ST3GAL1: variants seen among roughly 807,000 people sequenced by gnomAD.
ST3GAL1 encodes ST3 beta-galactoside alpha-2,3-sialyltransferase 1.
ST3GAL1 carries 16 observed loss-of-function variants against 34.1 expected under a neutral mutation model. The observed-to-expected ratio is 0.47, with a 90% confidence interval of 0.32 to 0.71. The LOEUF (loss-of-function observed/expected upper bound fraction) is 0.71. Among genes scored for constraint, ST3GAL1 ranks in the 30% least tolerant of loss-of-function variants. The pLI is 0.04. For synonymous variants in ST3GAL1, 191 were observed against 184.7 expected (o/e 1.03, Z -0.28); for missense variants, 353 against 447.4 (o/e 0.79, Z 1.90).
intron 1 of ST3GAL1, among the ~76,000 whole-genome samples, chr8:133,567,743 G>T (rs982444042): frequency 3.9e-5 from 6 of 152,290 alleles, no homozygotes; most frequent in African/African-American, 1.4e-4. Flanking sequence ...GAGGGGAGAT[G>T]CCCTTGGCAT....
intron 2 of ST3GAL1, among the ~76,000 whole-genome samples, chr8:133,539,190 CCAG>C (rs1818392680): frequency 6.6e-6 from 1 of 152,174 alleles, no homozygotes; most frequent in Non-Finnish European, 1.5e-5. Context: ...TTCGAAAATC[CCAG>C]CAGAACCAAG....
chr8:133,476,750 C>T (rs1334876892), intron 3 of ST3GAL1, 150 bp from the exon 4 acceptor site: 1 of 152,218 alleles, frequency 6.6e-6, no homozygotes, highest in Non-Finnish European at 1.5e-5. Flanking sequence ...GTTTATCTAC[C>T]TTTGTGAGCC....
intron 2 of ST3GAL1, among the ~76,000 whole-genome samples, chr8:133,502,011 T>C (rs996051662): frequency 6.6e-6 from 1 of 152,168 alleles, no homozygotes; most frequent in Admixed American, 6.5e-5. Flanking sequence ...TTCTGTCAAC[T>C]GCCTCAGGAT....
chr8:133,471,947 C>T lies in ST3GAL1; in HGVS notation c.306+3772G>A, dbSNP rs143042406. Among the ~76,000 whole-genome samples the T allele has an allele frequency of 6.5e-4, 99 of 152,006 alleles. 1 individual carries two copies. In the East Asian group the frequency reaches 0.014, roughly 22 times the overall value. ...AGAATGTCCCCTGCGTATCACAAAACGGTTTCCCAAGTTGGGGGCAAGTAG... is the reference window on the plus strand; with the variant it reads ...AGAATGTCCCCTGCGTATCACAAAATGGTTTCCCAAGTTGGGGGCAAGTAG... On this transcript the variant is annotated intron_variant, in intron 5 of 9. Transcript: ENST00000522652.
Position 133,562,825 on chromosome 8 carries a change from CCTTCCTTCCTTCCTTCCTTT to C in ST3GAL1, c.-582+8848_-582+8867del, listed in dbSNP as rs60776640. Among the ~76,000 whole-genome samples the C allele has an allele frequency of 2.6e-3, 285 of 107,636 alleles. 1 individual carries two copies. The highest frequency in any genetic ancestry group is 0.011 in the African/African-American group (269 of 24,184). 70.6% of individuals were successfully genotyped at this position (107,636 alleles called of 152,430 possible). A position where few individuals can be genotyped will look rare whatever the true frequency, so the allele number is the denominator to read the frequency against. On this transcript the variant is annotated intron_variant, in intron 1 of 9. Coordinates refer to ENST00000522652, the MANE Select transcript of ST3GAL1 (RefSeq NM_173344.3). Reference sequence around the variant, plus strand: ...TCCTTCCTTCCTTCCTTCCTTCCTTCCTTCCTTCCTTCCTTCCTTTCTTTCTTTTTTTTTTTTTTTTTCCC... The same window carrying C: ...TCCTTCCTTCCTTCCTTCCTTCCTTCCTTTCTTTTTTTTTTTTTTTTTCCC...
At chr8:133,465,227 A>G (rs1815690651) in intron 6 of ST3GAL1, among the ~76,000 whole-genome samples, 1 of 152,112 alleles carries the variant, frequency 6.6e-6, no homozygotes, top group Non-Finnish European at 1.5e-5. Flanking sequence ...GGATATTTCC[A>G]CAGCCCTTTT....
Position 133,455,437 on chromosome 8 carries a change from C to A in ST3GAL1, c.*4327G>T, listed in dbSNP as rs886143886. ...GAGATGCTGTCTTGCCTGTCTCTGC[C>A]TTTTCTTCTAAGTTTTCCTCCTTTT... is the stretch of plus-strand genomic sequence containing the variant. On this transcript the variant is annotated 3_prime_UTR_variant, in exon 10 of 10. Transcript: ENST00000522652. 6.6e-6 allele frequency: 1 copy of A among 152,266 alleles called. No individual in the cohort carries two copies. Among genetic ancestry groups the A allele is most frequent in the African/African-American group, 2.4e-5 (1 of 41,446 alleles). The allele number at this position is 152,266 out of a possible 1,614,324, so 9.4% of individuals were successfully genotyped here. A position where few individuals can be genotyped will look rare whatever the true frequency, so the allele number is the denominator to read the frequency against.
At chr8:133,541,114 T>G (rs534775942) in intron 2 of ST3GAL1, among the ~76,000 whole-genome samples, 5,405 of 43,854 alleles carry the variant, frequency 0.12, 754 homozygotes, top group South Asian at 0.18. Context: ...TATATATATA[T>G]ATATATAGAG....
At chr8:133,537,844 G>A (rs1818350970) in intron 2 of ST3GAL1, among the ~76,000 whole-genome samples, 1 of 152,186 alleles carries the variant, frequency 6.6e-6, no homozygotes, top group Non-Finnish European at 1.5e-5. Flanking sequence ...ACCCAGGGAG[G>A]GCACTTCCTG....
intron 2 of ST3GAL1, among the ~76,000 whole-genome samples, chr8:133,521,564 T>C (rs1012929610): frequency 1.3e-5 from 2 of 152,218 alleles, no homozygotes; most frequent in Admixed American, 6.5e-5. Context: ...CCCAAAGTGC[T>C]GGAATTACAG....
At chr8:133,496,112 G>A (rs1346154936) in intron 3 of ST3GAL1, among the ~76,000 whole-genome samples, 4 of 152,212 alleles carry the variant, frequency 2.6e-5, no homozygotes, top group South Asian at 2.1e-4. Context: ...GCTGGGCTCC[G>A]AGTCACACAG....
rs550647219 is a variant in ST3GAL1, at chr8:133,556,314, G to C, written c.-581-10388C>G. 9.8e-5 allele frequency among the ~76,000 whole-genome samples: 15 copies of C among 152,290 alleles called. No homozygotes were observed. The highest frequency in any genetic ancestry group is 3.4e-4 in the African/African-American group (14 of 41,558). On this transcript the variant is annotated intron_variant, in intron 1 of 9. Coordinates refer to ENST00000522652, the MANE Select transcript of ST3GAL1 (RefSeq NM_173344.3). This position sits in a 1 kb window ranked among gnomAD's most constrained non-coding sequence, Gnocchi z 8.9. ...GTCACTTGCCCCAGATCTCACCACT[G>C]ATCAACAGCAGGCCTGGTGACTCCA...
Position 133,466,163 on chromosome 8 carries a change from T to C in ST3GAL1, c.307-73A>G. The stretch of plus-strand genomic sequence containing the variant: ...CCTCCTGGCAGCAGAGCCCCTGAGC[T>C]ACCTGCTGTCGTTTACTGGGGCCCT... On this transcript the variant is annotated intron_variant, in intron 5 of 9. Transcript: ENST00000522652. This position sits in a 1 kb window ranked among gnomAD's most constrained non-coding sequence, Gnocchi z 4.4. The C allele has an allele frequency of 6.7e-7, 1 of 1,487,480 alleles. No individual in the cohort carries two copies. The highest frequency in any genetic ancestry group is 1.3e-5 in the South Asian group (1 of 77,182). The allele number at this position is 1,487,480 out of a possible 1,614,324, so 92.1% of individuals were successfully genotyped here. A position where few individuals can be genotyped will look rare whatever the true frequency, so the allele number is the denominator to read the frequency against.
intron 1 of ST3GAL1, among the ~76,000 whole-genome samples, chr8:133,561,789 C>T (rs920911075): frequency 1.3e-5 from 2 of 152,046 alleles, no homozygotes; most frequent in Non-Finnish European, 2.9e-5. Flanking sequence ...CCCAGACACT[C>T]GACCAGATGT....
At chr8:133,558,891 G>A (rs1439808691) in intron 1 of ST3GAL1, among the ~76,000 whole-genome samples, 2 of 152,136 alleles carry the variant, frequency 1.3e-5, no homozygotes, top group East Asian at 3.9e-4. Flanking sequence ...TCCCGGCCGG[G>A]ACCACTGTGT....
chr8:133,526,970 C>G (rs1381119583), intron 2 of ST3GAL1, among the ~76,000 whole-genome samples: 1 of 152,116 alleles, frequency 6.6e-6, no homozygotes, highest in African/African-American at 2.4e-5. Context: ...AGGCCTTGTA[C>G]CCCTAGTCAC....
rs114403411 is a variant in ST3GAL1 at position 133,460,373 on chromosome 8, G to A, written c.850-436C>T. On this transcript the variant is annotated intron_variant, in intron 9 of 9. Transcript: ENST00000522652. ...TGCCACTCCGTGGTGCCCTGGGCAT[G>A]TGAAGTCACTTCTTTGAGCCTCACT... 2.1e-3 allele frequency among the ~76,000 whole-genome samples: 326 copies of A among 152,320 alleles called. 1 individual carries two copies. Among genetic ancestry groups the A allele is most frequent in the African/African-American group, 7.5e-3 (311 of 41,570 alleles).
chr8:133,530,951 G>A (rs1563729476), intron 2 of ST3GAL1, among the ~76,000 whole-genome samples: 1 of 152,110 alleles, frequency 6.6e-6, no homozygotes, highest in Admixed American at 6.5e-5. Context: ...CCCTTAATCC[G>A]GAGCTCCGGT....
chr8:133,466,826 C>T lies in ST3GAL1; in HGVS notation c.307-736G>A, dbSNP rs1005159957. Among the ~76,000 whole-genome samples the T allele has an allele frequency of 1.4e-4, 21 of 152,142 alleles. No individual in the cohort carries two copies. Among genetic ancestry groups the T allele is most frequent in the Non-Finnish European group, 2.5e-4 (17 of 68,028 alleles). On this transcript the variant is annotated intron_variant, in intron 5 of 9. Coordinates refer to ENST00000522652, the MANE Select transcript of ST3GAL1 (RefSeq NM_173344.3). This position sits in a 1 kb window ranked among gnomAD's most constrained non-coding sequence, Gnocchi z 4.4. ...TTTAAGACCTAGCCTGGGCCAGGTG[C>T]GGTGGCTCACACCTGTAATCCCAGC... is the stretch of plus-strand genomic sequence containing the variant.
Sources: gnomAD v4.1 joint callset for allele counts (sites outside exome capture counted in the v4.1 genomes callset) on GRCh38, gnomAD v4.1.1 for gene constraint, Gnocchi (gnomAD v3.1) non-coding constraint, MANE v1.5 for transcripts, NCBI Gene and HGNC (gene_info 2026-07-23, HGNC 2026-07-21) for gene names.